DOCK1: variants seen among roughly 807,000 people sequenced by gnomAD.
The protein encoded by DOCK1 is dedicator of cytokinesis protein 1.
A neutral mutation model predicts 262.7 loss-of-function variants in DOCK1; 138 were observed. That is an observed-to-expected ratio of 0.53 (90% CI 0.46 to 0.61). The LOEUF (loss-of-function observed/expected upper bound fraction) is 0.61. DOCK1 is among the 20% of genes least tolerant of loss of function. The pLI is 0.00. For missense variants in DOCK1, 1,908 were observed against 2,370.7 expected, an observed-to-expected ratio of 0.80 and a Z score of 4.05; for synonymous variants, 866 against 867.4, an observed-to-expected ratio of 1.00 and a Z score of 0.03.
At chr10:127,220,084 G>T (rs191431459) in intron 27 of DOCK1, among the ~76,000 whole-genome samples, 12 of 152,018 alleles carry the variant, frequency 7.9e-5, no homozygotes, top group Admixed American at 3.3e-4. Flanking sequence ...AAATTACAGA[G>T]AAAAAAATGT....
At chr10:127,080,399 C>T (rs2046831572) in intron 23 of DOCK1, among the ~76,000 whole-genome samples, 1 of 152,132 alleles carries the variant, frequency 6.6e-6, no homozygotes, top group African/African-American at 2.4e-5. Flanking sequence ...TTTTCACTGA[C>T]CTGTCCCCTC....
intron 4 of DOCK1, among the ~76,000 whole-genome samples, chr10:126,984,143 G>A (rs181872853): frequency 6.6e-5 from 10 of 152,020 alleles, no homozygotes; most frequent in African/African-American, 2.2e-4. Context: ...GATTGACATG[G>A]CCTCTGTTGC....
At chr10:127,021,399 A>G (rs1037561507) in intron 13 of DOCK1, among the ~76,000 whole-genome samples, 3 of 152,228 alleles carry the variant, frequency 2.0e-5, no homozygotes, top group Non-Finnish European at 4.4e-5. Context: ...TCCCGAGCTC[A>G]GGCAATTCAC....
intron 1 of DOCK1, among the ~76,000 whole-genome samples, chr10:126,949,237 T>G (rs1281760376): frequency 6.6e-6 from 1 of 152,084 alleles, no homozygotes; most frequent in Non-Finnish European, 1.5e-5. Context: ...CACACCCAGC[T>G]CCTGCTCTCC....
intron 1 of DOCK1, among the ~76,000 whole-genome samples, chr10:126,942,548 C>T (rs2035095888): frequency 6.6e-6 from 1 of 152,158 alleles, no homozygotes; most frequent in Admixed American, 6.5e-5. Context: ...ATGGATGGAG[C>T]TGCTCCTTCC....
At chr10:127,276,006 G>A (rs1590232884) in intron 29 of DOCK1, among the ~76,000 whole-genome samples, 1 of 152,230 alleles carries the variant, frequency 6.6e-6, no homozygotes, top group Non-Finnish European at 1.5e-5. Context: ...ATGCCCTGGA[G>A]AGGCCTCACA....
chr10:127,037,586 G>T, intron 18 of DOCK1, 133 bp from the exon 19 acceptor site: 1 of 664,276 alleles, frequency 1.5e-6, no homozygotes, highest in Non-Finnish European at 2.5e-6. Flanking sequence ...ATATTTAGCA[G>T]GTGAATCTTT....
intron 27 of DOCK1, among the ~76,000 whole-genome samples, chr10:127,224,477 A>T (rs904714285): frequency 1.3e-5 from 2 of 151,706 alleles, no homozygotes; most frequent in Admixed American, 1.3e-4. Flanking sequence ...GAGGAAAATC[A>T]CTTGAACCTG....
At position 126,993,956 on chromosome 10, in the gene DOCK1, A is replaced by G. The variant is rs1412109872; in HGVS notation, c.474-2792A>G. On this transcript the variant is annotated intron_variant, in intron 6 of 51. Transcript: ENST00000623213. ...AGATGGAACATTTATTGGCAATTCA[A>G]CTTTCCTCTTTAATTTGTAACTATA... 2.6e-5 allele frequency among the ~76,000 whole-genome samples: 4 copies of G among 152,228 alleles called. 1 individual carries two copies. Among genetic ancestry groups the G allele is most frequent in the Non-Finnish European group, 5.9e-5 (4 of 68,046 alleles).
rs112614684 is a variant in DOCK1 at position 127,351,634 on chromosome 10, G to A, written c.3225-3035G>A. Reference sequence around the variant, plus strand: ...TATTGCTAGAGAGGAACTTAGTTATGGTCCCCAGGACTGCCACCAGCCCGG... The same window carrying A: ...TATTGCTAGAGAGGAACTTAGTTATAGTCCCCAGGACTGCCACCAGCCCGG... On this transcript the variant is annotated intron_variant, in intron 31 of 51. Coordinates refer to ENST00000623213, the MANE Select transcript of DOCK1 (RefSeq NM_001290223.2). Among the ~76,000 whole-genome samples, 565 of 152,140 alleles carry A rather than the reference G, an allele frequency of 3.7e-3. 3 individuals carry two copies. Among genetic ancestry groups the A allele is most frequent in the African/African-American group, 0.013 (521 of 41,508 alleles).
intron 2 of DOCK1, among the ~76,000 whole-genome samples, chr10:126,975,959 C>G (rs1340796257): frequency 6.6e-6 from 1 of 152,104 alleles, no homozygotes; most frequent in South Asian, 2.1e-4. Flanking sequence ...TTTTGTGTCT[C>G]TGTATTATTT....
intron 27 of DOCK1, among the ~76,000 whole-genome samples, chr10:127,236,066 T>C (rs1293504759): frequency 6.6e-6 from 1 of 152,208 alleles, no homozygotes; most frequent in East Asian, 1.9e-4. Flanking sequence ...TTCTGCAGTC[T>C]GTCTTTTTAC....
At chr10:127,368,277 C>T (rs11599814) in intron 33 of DOCK1, among the ~76,000 whole-genome samples, 1 of 152,182 alleles carries the variant, frequency 6.6e-6, no homozygotes, top group East Asian at 1.9e-4. Flanking sequence ...TCTTTTGTCT[C>T]TGGGTGCTCC....
chr10:127,146,688 G>A (rs1417470217), intron 27 of DOCK1, among the ~76,000 whole-genome samples: 1 of 152,150 alleles, frequency 6.6e-6, no homozygotes, highest in Non-Finnish European at 1.5e-5. Context: ...CCCCACCTCA[G>A]TTCATGCTGC....
At chr10:126,939,199 TA>T (rs2034805903) in intron 1 of DOCK1, among the ~76,000 whole-genome samples, 2 of 152,128 alleles carry the variant, frequency 1.3e-5, no homozygotes, top group Non-Finnish European at 2.9e-5. Flanking sequence ...AGCTCTTCTA[TA>T]AGGGGCCTGA....
intron 27 of DOCK1, among the ~76,000 whole-genome samples, chr10:127,153,602 A>G (rs2052723796): frequency 6.6e-6 from 1 of 152,234 alleles, no homozygotes; most frequent in Admixed American, 6.5e-5. Flanking sequence ...CAAGCCATCA[A>G]ACTTATACCA....
chr10:127,228,703 A>T (rs2058729959), intron 27 of DOCK1, among the ~76,000 whole-genome samples: 1 of 152,336 alleles, frequency 6.6e-6, no homozygotes, highest in African/African-American at 2.4e-5. Flanking sequence ...TCAAACGCAA[A>T]GCCATGTGTT....
At chr10:127,421,213 C>T (rs1289274486) in intron 46 of DOCK1, among the ~76,000 whole-genome samples, 1 of 152,080 alleles carries the variant, frequency 6.6e-6, no homozygotes, top group African/African-American at 2.4e-5. Flanking sequence ...CTGCACCAGG[C>T]CACTGTGAGC....
chr10:127,324,030 C>T (rs997194114), intron 29 of DOCK1, among the ~76,000 whole-genome samples: 3 of 152,276 alleles, frequency 2.0e-5, no homozygotes, highest in Non-Finnish European at 2.9e-5. Context: ...GGAGGGGGAG[C>T]GGTGGCTCTG....
Sources: allele counts gnomAD v4.1 joint callset (sites outside exome capture counted in the v4.1 genomes callset), GRCh38; gene constraint gnomAD v4.1.1; transcripts MANE v1.5; gene names NCBI Gene and HGNC (gene_info 2026-07-23, HGNC 2026-07-21).